The following ANXA10 variants were observed in gnomAD, a reference collection of about 807,000 sequenced individuals.
ANXA10 encodes the protein annexin A10.
In ANXA10, 49 loss-of-function variants were observed where a neutral mutation model predicts 53.5. The observed-to-expected ratio is 0.92, with a 90% confidence interval of 0.73 to 1.16. The LOEUF (loss-of-function observed/expected upper bound fraction) is 1.16, where lower values mean the gene tolerates loss of function less well. ANXA10 is among the 50% of genes most tolerant of loss of function. The pLI, the probability that ANXA10 is intolerant of heterozygous loss-of-function variation, is 0.00. For synonymous variants in ANXA10, 131 were observed against 128.9 expected, an observed-to-expected ratio of 1.02 and a Z score of -0.11; for missense variants, 393 against 394.4, an observed-to-expected ratio of 1.00 and a Z score of 0.03.
At chr4:168,127,542 TA>T (rs1006161337) in intron 1 of ANXA10, among the ~76,000 whole-genome samples, 2 of 152,042 alleles carry the variant, frequency 1.3e-5, no homozygotes, top group African/African-American at 2.4e-5. Context: ...CTCCATTCCT[TA>T]AAAAAATACT....
chr4:168,186,067 A>C (rs1219925091), intron 11 of ANXA10, among the ~76,000 whole-genome samples: 1 of 152,244 alleles, frequency 6.6e-6, no homozygotes, highest in Non-Finnish European at 1.5e-5. Context: ...TGAATACATT[A>C]GTTCTTAGGC....
At chr4:168,156,058 A>G (rs1731650769) in intron 3 of ANXA10, among the ~76,000 whole-genome samples, 1 of 75,504 alleles carries the variant, frequency 1.3e-5, no homozygotes, top group African/African-American at 5.3e-5. Flanking sequence ...ATTATATATT[A>G]TATATCATAT....
chr4:168,137,831 G>T lies in ANXA10; in HGVS notation c.101-1655G>T, dbSNP rs183890612. Among the ~76,000 whole-genome samples the T allele has an allele frequency of 1.8e-3, 281 of 152,086 alleles. 1 individual carries two copies. The Middle Eastern group carries it at 0.02, about 11-fold the overall frequency. ...AGTGAAATTTCTGAGTCAAATGATAGTTCTATTTTTAGTTCTTTGAGAAAT... is the reference window on the plus strand; with the variant it reads ...AGTGAAATTTCTGAGTCAAATGATATTTCTATTTTTAGTTCTTTGAGAAAT... On this transcript the variant is annotated intron_variant, in intron 2 of 11. Transcript: ENST00000359299.
At chr4:168,166,669 T>C (rs1381707697) in intron 6 of ANXA10, among the ~76,000 whole-genome samples, 4 of 145,600 alleles carry the variant, frequency 2.7e-5, no homozygotes, top group African/African-American at 1.1e-4. Context: ...TGTGTGTGTG[T>C]GTGTGTGTGT....
intron 1 of ANXA10, among the ~76,000 whole-genome samples, chr4:168,126,437 C>T (rs1731070864): frequency 6.6e-6 from 1 of 152,296 alleles, no homozygotes; most frequent in Non-Finnish European, 1.5e-5. Context: ...AGTGTTACCA[C>T]TGGAACTCAA....
chr4:168,115,690 A>G (rs1337491915), intron 1 of ANXA10, among the ~76,000 whole-genome samples: 1 of 152,194 alleles, frequency 6.6e-6, no homozygotes, highest in Non-Finnish European at 1.5e-5. Flanking sequence ...TTTTACACAA[A>G]TTACAGCTAT....
At chr4:168,139,458 C>A in intron 2 of ANXA10, 28 bp from the exon 3 acceptor site, 1 of 1,594,672 alleles carries the variant, frequency 6.3e-7, no homozygotes, top group Non-Finnish European at 8.6e-7. Flanking sequence ...AGCAACTTTA[C>A]TAATCTTCAA....
chr4:168,177,557 G>A (rs1732153834), intron 6 of ANXA10, among the ~76,000 whole-genome samples, 183 bp from the exon 7 acceptor site: 2 of 152,140 alleles, frequency 1.3e-5, no homozygotes. Context: ...CACATTTTAA[G>A]ACAAAACCTT....
chr4:168,132,532 A>C (rs552630605), intron 2 of ANXA10, among the ~76,000 whole-genome samples: 1 of 152,248 alleles, frequency 6.6e-6, no homozygotes, highest in African/African-American at 2.4e-5. Flanking sequence ...TACAAAAAAT[A>C]GTTGGAAAGA....
chr4:168,135,303 T>C (rs11943654), intron 2 of ANXA10, among the ~76,000 whole-genome samples: 10,006 of 152,238 alleles, frequency 0.066, 1,077 homozygotes, highest in African/African-American at 0.23. Context: ...AAATAGGAAA[T>C]ACAGTTTCTA....
intron 3 of ANXA10, 33 bp downstream of exon 3, chr4:168,139,613 G>A: frequency 1.3e-6 from 2 of 1,541,532 alleles, no homozygotes; most frequent in Non-Finnish European, 1.8e-6. Flanking sequence ...TATTTCTAGG[G>A]CAATCTCTTG....
At chr4:168,173,974 G>T (rs1034393917) in intron 6 of ANXA10, among the ~76,000 whole-genome samples, 4 of 152,104 alleles carry the variant, frequency 2.6e-5, no homozygotes, top group African/African-American at 4.8e-5. Flanking sequence ...GCAGGGGATT[G>T]CCCACCTTCG....
At chr4:168,156,990 T>C (rs1731697030) in intron 3 of ANXA10, among the ~76,000 whole-genome samples, 1 of 152,142 alleles carries the variant, frequency 6.6e-6, no homozygotes, top group Admixed American at 6.5e-5. Context: ...CCAATATTAA[T>C]GATGAAGTTC....
At chr4:168,123,295 A>G (rs961119996) in intron 1 of ANXA10, among the ~76,000 whole-genome samples, 2 of 149,456 alleles carry the variant, frequency 1.3e-5, no homozygotes, top group African/African-American at 4.9e-5. Flanking sequence ...AAAAAAACCC[A>G]GACTTTATTT....
chr4:168,150,543 C>T (rs1731479355), intron 3 of ANXA10, among the ~76,000 whole-genome samples: 1 of 152,134 alleles, frequency 6.6e-6, no homozygotes, highest in Non-Finnish European at 1.5e-5. Flanking sequence ...TGGAAACAGA[C>T]ACTTTGATAG....
chr4:168,167,215 G>A (rs1731897256), intron 6 of ANXA10, among the ~76,000 whole-genome samples: 2 of 152,110 alleles, frequency 1.3e-5, no homozygotes, highest in Admixed American at 6.6e-5. Context: ...AGAACAGACA[G>A]TCCTCAGTCC....
chr4:168,169,069 A>G (rs909199260), intron 6 of ANXA10, among the ~76,000 whole-genome samples: 1 of 152,196 alleles, frequency 6.6e-6, no homozygotes, highest in African/African-American at 2.4e-5. Flanking sequence ...TCATAGTACA[A>G]ACTGAAGCGT....
At chr4:168,160,925 G>T (rs1731771813) in intron 3 of ANXA10, among the ~76,000 whole-genome samples, 1 of 152,002 alleles carries the variant, frequency 6.6e-6, no homozygotes, top group African/African-American at 2.4e-5. Flanking sequence ...CTGTAAATTT[G>T]CTTAAGTTCT....
intron 1 of ANXA10, among the ~76,000 whole-genome samples, chr4:168,121,988 G>T (rs556632851): frequency 2.0e-5 from 3 of 150,188 alleles, no homozygotes; most frequent in African/African-American, 7.3e-5. Context: ...GATTACAGGC[G>T]CCCACCACCA....
Sources: allele counts gnomAD v4.1 joint callset (sites outside exome capture counted in the v4.1 genomes callset), GRCh38; gene constraint gnomAD v4.1.1; transcripts MANE v1.5; gene names NCBI Gene and HGNC (gene_info 2026-07-23, HGNC 2026-07-21).